Variants in ABHD18 observed in about 807,000 individuals in gnomAD.
ABHD18 encodes abhydrolase domain containing 18, also known as cardiolipin-specific deacylase, mitochondrial.
In ABHD18, 55 loss-of-function variants were observed where a neutral mutation model predicts 65.9. The observed-to-expected ratio is 0.84, with a 90% CI of 0.67 to 1.05. ABHD18 has a LOEUF of 1.05. Among genes scored for constraint, ABHD18 ranks in the 50% least tolerant of loss-of-function variants. The probability of loss-of-function intolerance (pLI) is 0.00; values close to 1 mark genes in which losing one functional copy is unlikely to be tolerated. For missense variants in ABHD18, 533 were observed against 558.5 expected (o/e 0.95, Z 0.46); for synonymous variants, 181 against 180.2 (o/e 1.00, Z -0.04).
At chr4:127,968,102 G>C (rs534208174) in intron 1 of ABHD18, among the ~76,000 whole-genome samples, 3 of 152,300 alleles carry the variant, frequency 2.0e-5, no homozygotes, top group Non-Finnish European at 2.9e-5. Flanking sequence ...CCAGCTACTC[G>C]GAGAGGCTGA....
intron 1 of ABHD18, among the ~76,000 whole-genome samples, chr4:127,975,172 A>G (rs754630449): frequency 2.3e-4 from 35 of 152,166 alleles, no homozygotes; most frequent in Admixed American, 5.9e-4. Context: ...AAAATTTACC[A>G]TCTTAATAAT....
chr4:127,970,589 CAAAAAAAAA>C (rs375709595), intron 1 of ABHD18, among the ~76,000 whole-genome samples: 7 of 54,650 alleles, frequency 1.3e-4, no homozygotes, highest in African/African-American at 5.0e-4. Context: ...AACTCTGTCT[CAAAAAAAAA>C]AAAAAAAAAA....
chr4:128,001,989 T>C (rs1427147935), intron 4 of ABHD18, among the ~76,000 whole-genome samples: 1 of 152,104 alleles, frequency 6.6e-6, no homozygotes, highest in Non-Finnish European at 1.5e-5. Context: ...TAGAAACATG[T>C]TGGAGCCAGG....
intron 7 of ABHD18, among the ~76,000 whole-genome samples, chr4:128,014,455 A>G (rs939635616): frequency 1.3e-5 from 2 of 152,188 alleles, no homozygotes; most frequent in African/African-American, 4.8e-5. Flanking sequence ...TTGGAATTGT[A>G]ACATTTGTTT....
At chr4:128,016,705 G>C (rs1348219218) in intron 7 of ABHD18, among the ~76,000 whole-genome samples, 1 of 85,218 alleles carries the variant, frequency 1.2e-5, no homozygotes, top group Non-Finnish European at 2.2e-5. Flanking sequence ...AACCCTGGAG[G>C]TGGAGGCAGC....
intron 3 of ABHD18, among the ~76,000 whole-genome samples, chr4:127,987,872 G>A (rs982826980): frequency 3.3e-5 from 5 of 151,972 alleles, no homozygotes; most frequent in South Asian, 2.1e-4. Context: ...TTCAATTAAA[G>A]TATTGAACAT....
intron 12 of ABHD18, 157 bp downstream of exon 12, chr4:128,030,829 T>A: frequency 1.5e-6 from 2 of 1,375,260 alleles, no homozygotes; most frequent in South Asian, 3.8e-5. Flanking sequence ...TACTTTTCCC[T>A]CTTTCCTAGA....
rs540514009 is a variant in ABHD18, at chr4:128,025,990, T to C, written c.802-2485T>C. 2.6e-5 allele frequency among the ~76,000 whole-genome samples: 4 copies of C among 152,074 alleles called. No homozygotes were observed. In the South Asian group the frequency reaches 8.3e-4, roughly 32 times the overall value. On this transcript the variant is annotated intron_variant, in intron 10 of 12. Coordinates refer to ENST00000645843, the MANE Select transcript of ABHD18 (RefSeq NM_001358451.3). ...CAACACGGTGAAACCCCGTCTCTAT[T>C]AAGAATATAAAAAATTGGCCGGGCA...
chr4:127,999,372 G>A (rs1251563290), intron 4 of ABHD18, among the ~76,000 whole-genome samples: 1 of 152,138 alleles, frequency 6.6e-6, no homozygotes, highest in East Asian at 1.9e-4. Flanking sequence ...AGGTGAAGGT[G>A]AGTTGCTGAT....
At chr4:127,969,705 G>A (rs1746349171) in intron 1 of ABHD18, among the ~76,000 whole-genome samples, 1 of 151,576 alleles carries the variant, frequency 6.6e-6, no homozygotes, top group Non-Finnish European at 1.5e-5. Context: ...CATCTCATGA[G>A]CAGTATATTA....
intron 10 of ABHD18, among the ~76,000 whole-genome samples, chr4:128,024,426 A>G (rs1311897551): frequency 6.6e-6 from 1 of 152,180 alleles, no homozygotes; most frequent in East Asian, 1.9e-4. Flanking sequence ...TATTTAAACC[A>G]TAGCGGTAGT....
At chr4:127,980,590 A>G (rs1335486158) in intron 1 of ABHD18, among the ~76,000 whole-genome samples, 1 of 151,694 alleles carries the variant, frequency 6.6e-6, no homozygotes, top group Non-Finnish European at 1.5e-5. Context: ...TTGAGAGGCC[A>G]AGGCGGACGG....
intron 4 of ABHD18, among the ~76,000 whole-genome samples, chr4:128,002,399 T>C (rs1046486150): frequency 3.3e-5 from 5 of 151,604 alleles, no homozygotes; most frequent in Admixed American, 3.3e-4. Context: ...CCTGCCTCAG[T>C]CTCCCAAGTA....
chr4:128,007,954 G>A (rs927402056), intron 4 of ABHD18, among the ~76,000 whole-genome samples: 1 of 151,792 alleles, frequency 6.6e-6, no homozygotes, highest in African/African-American at 2.4e-5. Flanking sequence ...GAAAAAGTCG[G>A]AGCTATATCT....
chr4:128,015,705 C>T (rs1009630862), intron 7 of ABHD18, among the ~76,000 whole-genome samples: 1 of 152,126 alleles, frequency 6.6e-6, no homozygotes, highest in African/African-American at 2.4e-5. Context: ...GTTTTTCACA[C>T]TTGGCATTCC....
At chr4:128,033,194 C>T (rs1758452455) in intron 12 of ABHD18, among the ~76,000 whole-genome samples, 1 of 151,920 alleles carries the variant, frequency 6.6e-6, no homozygotes, top group African/African-American at 2.4e-5. Flanking sequence ...TCAGAGCTTG[C>T]AGTGAGCCGA....
chr4:128,009,269 T>G, intron 6 of ABHD18, 78 bp downstream of exon 6: 1 of 938,872 alleles, frequency 1.1e-6, no homozygotes, highest in South Asian at 2.9e-5. Flanking sequence ...GGAATGATAG[T>G]AACCAAGTTT....
intron 3 of ABHD18, 86 bp from the exon 4 acceptor site, chr4:127,989,635 A>G: frequency 1.2e-6 from 1 of 819,512 alleles, no homozygotes; most frequent in Non-Finnish European, 1.8e-6. Flanking sequence ...TTTTAATTGG[A>G]TAGAACTTTT....
Position 128,028,844 on chromosome 4 carries a change from A to G in ABHD18, c.1171A>G (p.Asn391Asp). 1.9e-6 allele frequency: 3 copies of G among 1,544,080 alleles called. No homozygotes were observed. The highest frequency in any genetic ancestry group is 1.3e-5 in the South Asian group (1 of 79,820). ...GVMDECTHVA[N>D]FSVPVDPSLI... Reference sequence around the variant, plus strand: ...CATGGATGAATGTACTCATGTAGCAAATTTCTCAGGTACTAATTTTTATAT... The same window carrying G: ...CATGGATGAATGTACTCATGTAGCAGATTTCTCAGGTACTAATTTTTATAT... The change falls in exon 11 of 13, where the codon AAT becomes GAT. Residue 391 changes from asparagine (N) to aspartate (D), a missense_variant. By Grantham distance (23) the Asn-to-Asp change is conservative (BLOSUM62 1). Around this residue, in one of 3 missense-constraint regions of ABHD18, gnomAD observed 220 missense variants for 226.8 expected, o/e 0.97. Coordinates refer to ENST00000645843, the MANE Select transcript of ABHD18 (RefSeq NM_001358451.3).
Sources: gnomAD v4.1 joint callset for allele counts (sites outside exome capture counted in the v4.1 genomes callset) on GRCh38, gnomAD v4.1.1 for gene constraint, gnomAD v4.1.1 regional missense constraint, MANE v1.5 for transcripts, NCBI Gene and HGNC (gene_info 2026-07-23, HGNC 2026-07-21) for gene names.